NBEA: variants seen among roughly 807,000 people sequenced by gnomAD.
NBEA encodes neurobeachin.
NBEA carries 44 observed loss-of-function variants against 343.4 expected under a neutral mutation model. That is an observed-to-expected ratio of 0.13 (90% CI 0.10 to 0.16). The LOEUF is 0.16. Among genes scored for constraint, NBEA ranks in the 10% least tolerant of loss-of-function variants. The probability of loss-of-function intolerance (pLI) is 1.00; values close to 1 mark genes in which losing one functional copy is unlikely to be tolerated. For missense variants in NBEA, 2,555 were observed against 3,631.3 expected, an observed-to-expected ratio of 0.70 and a Z score of 7.62; for synonymous variants, 1,175 against 1,238.7, an observed-to-expected ratio of 0.95 and a Z score of 1.08.
At chr13:35,553,317 A>G (rs1238475673) in intron 43 of NBEA, among the ~76,000 whole-genome samples, 1 of 152,034 alleles carries the variant, frequency 6.6e-6, no homozygotes, top group African/African-American at 2.4e-5. Context: ...TTTTCCCCCA[A>G]AAAGCTCAAC....
intron 40 of NBEA, among the ~76,000 whole-genome samples, chr13:35,461,874 T>C (rs1000375572): frequency 6.6e-6 from 1 of 152,224 alleles, no homozygotes; most frequent in Non-Finnish European, 1.5e-5. Flanking sequence ...ATAGCAGCTA[T>C]AGAAATACTT....
intron 1 of NBEA, among the ~76,000 whole-genome samples, chr13:35,032,358 G>A (rs2062260331): frequency 6.6e-6 from 1 of 151,666 alleles, no homozygotes; most frequent in Non-Finnish European, 1.5e-5. Context: ...GGTATGATAT[G>A]GTATCTCACT....
At chr13:35,458,983 A>G (rs566496625) in intron 40 of NBEA, among the ~76,000 whole-genome samples, 4 of 146,806 alleles carry the variant, frequency 2.7e-5, no homozygotes, top group Admixed American at 6.9e-5. Context: ...TCATAATGGT[A>G]AGTTTATATT....
At position 35,550,991 on chromosome 13, in the gene NBEA, T is replaced by G; in HGVS notation, c.6765T>G (p.Pro2255=). Residue 2255 remains proline (P), a synonymous_variant, in exon 43 of 59, where the codon CCT becomes CCG. Coordinates refer to ENST00000379939, the MANE Select transcript of NBEA (RefSeq NM_001385012.1). Reference sequence around the variant, plus strand: ...TAAAAAAAGTTGTCTATAGCTTGCCTCGGGTTGGAGTAGGGACCAGCTATG... The same window carrying G: ...TAAAAAAAGTTGTCTATAGCTTGCCGCGGGTTGGAGTAGGGACCAGCTATG... ...ATVKKVVYSL[P]RVGVGTSYGL... The G allele has an allele frequency of 2.5e-6, 4 of 1,611,178 alleles. No homozygotes were observed. Among genetic ancestry groups the G allele is most frequent in the Non-Finnish European group, 3.4e-6 (4 of 1,177,684 alleles).
chr13:35,249,856 A>C (rs2031742764), intron 34 of NBEA, among the ~76,000 whole-genome samples: 1 of 152,198 alleles, frequency 6.6e-6, no homozygotes, highest in South Asian at 2.1e-4. Flanking sequence ...GATGCATTTC[A>C]AAAAATGTAG....
intron 16 of NBEA, among the ~76,000 whole-genome samples, chr13:35,121,943 A>T (rs1446563678): frequency 6.6e-6 from 1 of 152,186 alleles, no homozygotes; most frequent in African/African-American, 2.4e-5. Context: ...TACAGCCCCT[A>T]AAGAACCTTC....
At chr13:35,558,863 A>C (rs2079714431) in intron 44 of NBEA, among the ~76,000 whole-genome samples, 1 of 152,236 alleles carries the variant, frequency 6.6e-6, no homozygotes, top group South Asian at 2.1e-4. Flanking sequence ...AGTTTAGAGA[A>C]GTGAGAGATT....
At chr13:35,075,546 AT>A (rs1355178442) in intron 10 of NBEA, among the ~76,000 whole-genome samples, 1 of 152,118 alleles carries the variant, frequency 6.6e-6, no homozygotes, top group Non-Finnish European at 1.5e-5. Flanking sequence ...AATGTAAGAA[AT>A]AAAAGTGTTT....
At chr13:35,213,947 A>G (rs1458793027) in intron 33 of NBEA, among the ~76,000 whole-genome samples, 2 of 151,944 alleles carry the variant, frequency 1.3e-5, no homozygotes, top group African/African-American at 2.4e-5. Flanking sequence ...GCTTTTTAAC[A>G]TTGTGAATTA....
At chr13:35,139,212 C>T (rs1031838054) in intron 17 of NBEA, among the ~76,000 whole-genome samples, 2 of 151,840 alleles carry the variant, frequency 1.3e-5, no homozygotes, top group African/African-American at 4.8e-5. Flanking sequence ...AGGTGCATGC[C>T]ACCACACCTA....
At position 35,423,230 on chromosome 13, in the gene NBEA, A is replaced by G. The variant is rs904298578; in HGVS notation, c.6180-9039A>G. ...AGACATGAATTCCTTGCCCATGCCT[A>G]TGTTCCTGAATGGTATTGCCTAGGT... is the stretch of plus-strand genomic sequence containing the variant. On this transcript the variant is annotated intron_variant, in intron 38 of 58. Coordinates refer to ENST00000379939, the MANE Select transcript of NBEA (RefSeq NM_001385012.1). Among the ~76,000 whole-genome samples the G allele has an allele frequency of 9.9e-5, 15 of 152,276 alleles. No homozygotes were observed. In the South Asian group the frequency reaches 1.0e-3, roughly 11 times the overall value.
At chr13:35,455,873 G>T (rs2046557383) in intron 40 of NBEA, among the ~76,000 whole-genome samples, 2 of 151,992 alleles carry the variant, frequency 1.3e-5, no homozygotes, top group Non-Finnish European at 2.9e-5. Context: ...TATATGGTTT[G>T]AACTAAAATA....
intron 38 of NBEA, among the ~76,000 whole-genome samples, chr13:35,416,741 G>A (rs986636620): frequency 1.3e-5 from 2 of 152,164 alleles, no homozygotes; most frequent in Non-Finnish European, 2.9e-5. Context: ...TCAGGATGAT[G>A]TTGGCCTCAT....
intron 41 of NBEA, among the ~76,000 whole-genome samples, chr13:35,511,101 C>T (rs2152986536): frequency 6.6e-6 from 1 of 152,178 alleles, no homozygotes; most frequent in African/African-American, 2.4e-5. Flanking sequence ...ATAATGTGAT[C>T]CATTTAAATA....
At chr13:34,947,157 A>C (rs961871896) in intron 1 of NBEA, among the ~76,000 whole-genome samples, 3 of 152,070 alleles carry the variant, frequency 2.0e-5, no homozygotes, top group African/African-American at 7.2e-5. Context: ...ATGGAAAATA[A>C]AATTCAGGAT....
intron 44 of NBEA, among the ~76,000 whole-genome samples, chr13:35,558,184 G>A (rs977134118): frequency 6.6e-6 from 1 of 152,120 alleles, no homozygotes; most frequent in African/African-American, 2.4e-5. Context: ...AGCAAGTAAA[G>A]TATGGTTTCT....
chr13:35,661,019 C>T (rs546475990), intron 55 of NBEA, among the ~76,000 whole-genome samples: 2 of 152,282 alleles, frequency 1.3e-5, no homozygotes, highest in South Asian at 4.1e-4. Flanking sequence ...CACCCCATCC[C>T]CTCATTCTAA....
intron 36 of NBEA, among the ~76,000 whole-genome samples, chr13:35,348,549 C>T (rs972630867): frequency 3.3e-5 from 5 of 151,860 alleles, no homozygotes; most frequent in Admixed American, 6.6e-5. Context: ...AACTGTAGTT[C>T]CATATTAGAA....
intron 1 of NBEA, among the ~76,000 whole-genome samples, chr13:34,979,211 C>T (rs2060275680): frequency 1.3e-5 from 2 of 152,084 alleles, no homozygotes; most frequent in South Asian, 2.1e-4. Flanking sequence ...AGCCCTTTTT[C>T]ATGCCTTTAT....
Sources: gnomAD v4.1 joint callset for allele counts (sites outside exome capture counted in the v4.1 genomes callset) on GRCh38, gnomAD v4.1.1 for gene constraint, MANE v1.5 for transcripts, NCBI Gene and HGNC (gene_info 2026-07-23, HGNC 2026-07-21) for gene names.